The following TMEM235 variants were observed in gnomAD, a reference collection of about 807,000 sequenced individuals.
TMEM235 encodes the protein claudin-27.
In TMEM235, 23 loss-of-function variants were observed where a neutral mutation model predicts 22.9. That is an observed-to-expected ratio of 1.00 (90% CI 0.72 to 1.42). The LOEUF is 1.42. Among genes scored for constraint, TMEM235 ranks in the 40% most tolerant of loss-of-function variants. The pLI is 0.00. For missense variants in TMEM235, 308 were observed against 299.5 expected, an observed-to-expected ratio of 1.03 and a Z score of -0.21; for synonymous variants, 137 against 140.5, an observed-to-expected ratio of 0.98 and a Z score of 0.17.
intron 4 of TMEM235, among the ~76,000 whole-genome samples, chr17:78,236,890 C>T (rs922396495): frequency 6.6e-6 from 1 of 151,356 alleles, no homozygotes; most frequent in African/African-American, 2.4e-5. Context: ...AAGGTCTCCT[C>T]TAGACAATGA....
At chr17:78,236,160 C>T (rs941359482) in intron 4 of TMEM235, among the ~76,000 whole-genome samples, 16 of 152,188 alleles carry the variant, frequency 1.1e-4, no homozygotes, top group Non-Finnish European at 2.1e-4. Context: ...CACCGGGGTC[C>T]AAGCTTCTTG....
rs574815511 is a variant in TMEM235, at chr17:78,234,221, T to C, written c.271+246T>C. 1.1e-5 allele frequency: 8 copies of C among 697,274 alleles called. No individual in the cohort carries two copies. The East Asian group carries it at 1.6e-4, about 14-fold the overall frequency. 43.2% of individuals were successfully genotyped at this position (697,274 alleles called of 1,614,324 possible). On this transcript the variant is annotated intron_variant, in intron 3 of 5. Transcript: ENST00000421688. ...GTGGTGATGGCTCATCCCTTTGTTATTGGGGAAGCCAGGCAGCTCCCAGCT... is the reference window on the plus strand; with the variant it reads ...GTGGTGATGGCTCATCCCTTTGTTACTGGGGAAGCCAGGCAGCTCCCAGCT...
At position 78,238,402 on chromosome 17, in the gene TMEM235, G is replaced by T. The variant is rs556360892; in HGVS notation, c.410-622G>T. ...AAACTCAGAGCTGGGAGGACAGGGG[G>T]GCTCTGGAAGGGGAGTCAGAGGGAG... On this transcript the variant is annotated intron_variant, in intron 4 of 5. Coordinates refer to ENST00000421688, the Ensembl canonical transcript of TMEM235. The surrounding 1 kb of genome is among the most constrained non-coding windows in gnomAD (Gnocchi z 4.3). Among the ~76,000 whole-genome samples the T allele has an allele frequency of 6.6e-6, 1 of 152,060 alleles. No homozygotes were observed. Among genetic ancestry groups the T allele is most frequent in the Non-Finnish European group, 1.5e-5 (1 of 68,002 alleles).
chr17:78,237,793 G>A lies in TMEM235; in HGVS notation c.410-1231G>A, dbSNP rs533244788. On this transcript the variant is annotated intron_variant, in intron 4 of 5. Transcript: ENST00000421688. The surrounding 1 kb of genome is among the most constrained non-coding windows in gnomAD (Gnocchi z 4.7). ...ATAAATCCATAATTTCTGTTGCTAC[G>A]CTGCCCAGCCGGGCAGGCATCCGTG... Among the ~76,000 whole-genome samples the A allele has an allele frequency of 2.6e-5, 4 of 152,202 alleles. No homozygotes were observed. The highest frequency in any genetic ancestry group is 9.6e-5 in the African/African-American group (4 of 41,520).
chr17:78,232,577 GT>G (rs2094560973), intron 2 of TMEM235, among the ~76,000 whole-genome samples: 1 of 152,230 alleles, frequency 6.6e-6, no homozygotes, highest in African/African-American at 2.4e-5. Context: ...GCAGCCCCTT[GT>G]CCCCGTCCCT....
exon 2 of TMEM235, chr17:78,232,206 C>A: frequency 3.4e-6 from 5 of 1,477,404 alleles, no homozygotes; most frequent in African/African-American, 2.9e-5. Flanking sequence ...TCTGGCGCAT[C>A]TGCGAAGGTA....
chr17:78,231,504 C>A (rs1342036380), exon 2 of TMEM235: 1 of 1,304,248 alleles, frequency 7.7e-7, no homozygotes, highest in Non-Finnish European at 1.0e-6. Flanking sequence ...AGGACTGATA[C>A]AGACCAGGAC....
At position 78,239,274 on chromosome 17, in the gene TMEM235, G is replaced by T; in HGVS notation, c.659+1G>T. The T allele has an allele frequency of 6.5e-7, 1 of 1,538,636 alleles. No individual in the cohort carries two copies. Among genetic ancestry groups the T allele is most frequent in the Non-Finnish European group, 8.7e-7 (1 of 1,146,308 alleles). On this transcript the variant is annotated splice_donor_variant, in intron 5 of 5. Transcript: ENST00000421688. LOFTEE classifies it high-confidence loss of function. Reference sequence around the variant, plus strand: ...TGAGTCCCCAGCAGGTGGGAGGGAGGTAAGAGGGGGCTGGGTTTCCCTTTG... The same window carrying T: ...TGAGTCCCCAGCAGGTGGGAGGGAGTTAAGAGGGGGCTGGGTTTCCCTTTG...
rs1170988719 is a variant in TMEM235 at position 78,240,094 on chromosome 17, C to A, written c.*302C>A. 6 of 1,392,820 alleles carry A rather than the reference C, an allele frequency of 4.3e-6. No individual in the cohort carries two copies. The Admixed American group carries it at 1.5e-4, about 36-fold the overall frequency. 86.3% of individuals were successfully genotyped at this position (1,392,820 alleles called of 1,614,324 possible). A position where few individuals can be genotyped will look rare whatever the true frequency, so the allele number is the denominator to read the frequency against. On this transcript the variant is annotated 3_prime_UTR_variant, in exon 6 of 6. Transcript: ENST00000421688. Reference sequence around the variant, plus strand: ...TCTGTCCTTGTCCTGGCACAGGCTGCTGCTGCTTCCGGCCCCCGACCCTTC... The same window carrying A: ...TCTGTCCTTGTCCTGGCACAGGCTGATGCTGCTTCCGGCCCCCGACCCTTC...
rs1219237617 is a variant in TMEM235, at chr17:78,237,338, C to A, written c.410-1686C>A. On this transcript the variant is annotated intron_variant, in intron 4 of 5. Coordinates refer to ENST00000421688, the Ensembl canonical transcript of TMEM235. This position sits in a 1 kb window ranked among gnomAD's most constrained non-coding sequence, Gnocchi z 4.7. ...TTCCCTGAGACAGGATCTTGGGGGGCCTGGGGGACCGACAGGGCCCACGGT... is the reference window on the plus strand; with the variant it reads ...TTCCCTGAGACAGGATCTTGGGGGGACTGGGGGACCGACAGGGCCCACGGT... Among the ~76,000 whole-genome samples the A allele has an allele frequency of 6.6e-6, 1 of 152,050 alleles. No homozygotes were observed. Among genetic ancestry groups the A allele is most frequent in the Non-Finnish European group, 1.5e-5 (1 of 67,978 alleles).
Position 78,238,609 on chromosome 17 carries a change from T to G in TMEM235, c.410-415T>G. On this transcript the variant is annotated intron_variant, in intron 4 of 5. Coordinates refer to ENST00000421688, the Ensembl canonical transcript of TMEM235. The surrounding 1 kb of genome is among the most constrained non-coding windows in gnomAD (Gnocchi z 4.3). Reference sequence around the variant, plus strand: ...GTGAATGTGTGCAAATGTGTTCGTGTAGGTGTGCATGTGCATGTGTGTGCT... The same window carrying G: ...GTGAATGTGTGCAAATGTGTTCGTGGAGGTGTGCATGTGCATGTGTGTGCT... Among the ~76,000 whole-genome samples the G allele has an allele frequency of 6.7e-6, 1 of 148,192 alleles. No homozygotes were observed. The highest frequency in any genetic ancestry group is 2.2e-4 in the South Asian group (1 of 4,540).
chr17:78,232,682 G>C (rs778299604), intron 2 of TMEM235, among the ~76,000 whole-genome samples: 2 of 151,772 alleles, frequency 1.3e-5, no homozygotes, highest in Non-Finnish European at 2.9e-5. Flanking sequence ...TCCGGGGAGA[G>C]AGAAGGGGAT....
At chr17:78,240,124 C>T in exon 6 of TMEM235, 1 of 1,279,708 alleles carries the variant, frequency 7.8e-7, no homozygotes, top group Non-Finnish European at 1.0e-6. Flanking sequence ...CCCTTCCTCT[C>T]TGCAGCAACC....
At chr17:78,240,447 G>A (rs2081110256) in exon 6 of TMEM235, 1 of 171,380 alleles carries the variant, frequency 5.8e-6, no homozygotes, top group Non-Finnish European at 1.3e-5. Flanking sequence ...TGAGACAGGT[G>A]AGAAGAGGGA....
In TMEM235 at chr17:78,235,317, C is replaced by T. The variant is rs1226809022; in HGVS notation, c.409+587C>T. Among the ~76,000 whole-genome samples the T allele has an allele frequency of 1.3e-4, 19 of 147,004 alleles. No homozygotes were observed. The East Asian group carries it at 1.4e-3, about 11-fold the overall frequency. On this transcript the variant is annotated intron_variant, in intron 4 of 5. Coordinates refer to ENST00000421688, the Ensembl canonical transcript of TMEM235. ...TTTTTTTTTTTTTGAGATGGAGTTT[C>T]GCTCTTGTTGCCCAGGCTGGAGTGC...
intron 3 of TMEM235, 165 bp downstream of exon 2, chr17:78,234,140 C>G: frequency 1.4e-6 from 1 of 713,176 alleles, no homozygotes; most frequent in Non-Finnish European, 2.5e-6. Context: ...TGTCCCTAAC[C>G]ACAGGTGCCC....
At position 78,237,303 on chromosome 17, in the gene TMEM235, T is replaced by C. The variant is rs2076655025; in HGVS notation, c.410-1721T>C. ...AGGGAGATAGAGGGCCCCAGATCGA[T>C]TGGGTGCCCTTCCCTGAGACAGGAT... On this transcript the variant is annotated intron_variant, in intron 4 of 5. Transcript: ENST00000421688. This position sits in a 1 kb window ranked among gnomAD's most constrained non-coding sequence, Gnocchi z 4.7. 6.6e-6 allele frequency among the ~76,000 whole-genome samples: 1 copy of C among 151,942 alleles called. No homozygotes were observed. Among genetic ancestry groups the C allele is most frequent in the Admixed American group, 6.5e-5 (1 of 15,274 alleles).
chr17:78,231,602 G>T, exon 2 of TMEM235: 1 of 1,303,584 alleles, frequency 7.7e-7, no homozygotes, highest in Non-Finnish European at 1.0e-6. Flanking sequence ...CCTGGGGTCG[G>T]TCTCTGGCCG....
intron 2 of TMEM235, 101 bp from the exon 2 acceptor site, chr17:78,233,794 C>G (rs2076610975): frequency 1.0e-6 from 1 of 971,736 alleles, no homozygotes; most frequent in Admixed American, 2.5e-5. Context: ...AGAAGAGAAG[C>G]TGGCAGGGCC....
Sources: gnomAD v4.1 joint callset for allele counts (sites outside exome capture counted in the v4.1 genomes callset) on GRCh38, gnomAD v4.1.1 for gene constraint, Gnocchi (gnomAD v3.1) non-coding constraint, MANE v1.5 for transcripts, NCBI Gene and HGNC (gene_info 2026-07-23, HGNC 2026-07-21) for gene names.